Variants in UBAP1L observed in about 807,000 individuals in gnomAD.
The protein encoded by UBAP1L is ubiquitin-associated protein 1-like.
Under a neutral mutation model 32.1 loss-of-function variants are expected in UBAP1L, and 32 were observed. That is an observed-to-expected ratio of 1.00 (90% CI 0.75 to 1.34). UBAP1L has a LOEUF of 1.34. Ranked by LOEUF, UBAP1L falls within the 40% of genes most tolerant of loss-of-function variation. The pLI is 0.00. For missense variants in UBAP1L, 516 were observed against 540.5 expected (o/e 0.95, Z 0.45); for synonymous variants, 243 against 250.2 (o/e 0.97, Z 0.27).
chr15:65,092,840 T>A lies in UBAP1L; in HGVS notation c.*257A>T. On this transcript the variant is annotated 3_prime_UTR_variant, in exon 6 of 6. Coordinates refer to ENST00000559089, the MANE Select transcript of UBAP1L (RefSeq NM_001163692.2). ...AATGCACACAGTGTAAAGAGTCAAA[T>A]CAGGTGGTTTCACAGGCATGCATGA... 1.9e-6 allele frequency: 1 copy of A among 515,548 alleles called. No individual in the cohort carries two copies. Among genetic ancestry groups the A allele is most frequent in the Non-Finnish European group, 3.4e-6 (1 of 295,256 alleles). 31.9% of individuals were successfully genotyped at this position (515,548 alleles called of 1,614,324 possible).
chr15:65,112,473 GCC>G (rs1241822322), intron 1 of UBAP1L, among the ~76,000 whole-genome samples: 1 of 152,148 alleles, frequency 6.6e-6, no homozygotes, highest in African/African-American at 2.4e-5. Context: ...TCAAACACTA[GCC>G]CATGAGGTGG....
intron 4 of UBAP1L, chr15:65,095,789 T>C (rs1432196474): frequency 6.6e-6 from 1 of 152,222 alleles, no homozygotes; most frequent in African/African-American, 2.4e-5. Context: ...GAAGTGTTTG[T>C]CTTAGCACAA....
In UBAP1L at chr15:65,104,230, G is replaced by A. The variant is rs567262182; in HGVS notation, c.121-1546C>T. 1.5e-4 allele frequency among the ~76,000 whole-genome samples: 23 copies of A among 151,792 alleles called. No individual in the cohort carries two copies. The South Asian group carries it at 4.0e-3, about 26-fold the overall frequency. On this transcript the variant is annotated intron_variant, in intron 2 of 5. Coordinates refer to ENST00000559089, the MANE Select transcript of UBAP1L (RefSeq NM_001163692.2). Reference sequence around the variant, plus strand: ...TTGCACCACTGCACACTCCAGCCTGGGCGACAAAGCGAGACTCTGTCGAAA... The same window carrying A: ...TTGCACCACTGCACACTCCAGCCTGAGCGACAAAGCGAGACTCTGTCGAAA...
chr15:65,106,637 C>CTT (rs35095335), intron 1 of UBAP1L, among the ~76,000 whole-genome samples: 8 of 119,714 alleles, frequency 6.7e-5, no homozygotes, highest in African/African-American at 8.7e-5. Flanking sequence ...TTAGCATAAC[C>CTT]TTTTTTTTTT....
rs1290712956 is a variant in UBAP1L, at chr15:65,094,775, C to A, written c.910-199G>T. On this transcript the variant is annotated intron_variant, in intron 4 of 5. Coordinates refer to ENST00000559089, the MANE Select transcript of UBAP1L (RefSeq NM_001163692.2). This position sits in a 1 kb window ranked among gnomAD's most constrained non-coding sequence, Gnocchi z 4.2. ...CTCTGAGTGCCTGGCGATAGGCAGA[C>A]AATGGGTCTTCACCAACTATGCCAA... 4 of 602,080 alleles carry A rather than the reference C, an allele frequency of 6.6e-6. No individual in the cohort carries two copies. The East Asian group carries it at 1.1e-4, about 17-fold the overall frequency. The allele number at this position is 602,080 out of a possible 1,614,324, so 37.3% of individuals were successfully genotyped here.
chr15:65,105,009 TGAAAAA>T, intron 2 of UBAP1L: 6 of 83,936 alleles, frequency 7.1e-5, no homozygotes, highest in Admixed American at 1.5e-4. Flanking sequence ...CTGTCTCAAA[TGAAAAA>T]AAAAAAAAAA....
chr15:65,102,730 G>A lies in UBAP1L; in HGVS notation c.121-46C>T. 7 of 1,514,724 alleles carry A rather than the reference G, an allele frequency of 4.6e-6. No homozygotes were observed. Among genetic ancestry groups the A allele is most frequent in the Non-Finnish European group, 5.3e-6 (6 of 1,128,198 alleles). The allele number at this position is 1,514,724 out of a possible 1,614,324, so 93.8% of individuals were successfully genotyped here. A position where few individuals can be genotyped will look rare whatever the true frequency, so the allele number is the denominator to read the frequency against. ...AAAGCCCAGGGCAAACCAGGACCCC[G>A]GGGGCACAACACTAACCCCTGGCCT... On this transcript the variant is annotated intron_variant, in intron 2 of 5. Coordinates refer to ENST00000559089, the MANE Select transcript of UBAP1L (RefSeq NM_001163692.2). The surrounding 1 kb of genome is among the most constrained non-coding windows in gnomAD (Gnocchi z 5.0).
In UBAP1L at chr15:65,102,158, G is replaced by A. The variant is rs2087247289; in HGVS notation, c.647C>T (p.Pro216Leu). The change falls in exon 3 of 6, where the codon CCC becomes CTC. Residue 216 changes from proline (P) to leucine (L), a missense_variant. Coordinates refer to ENST00000559089, the MANE Select transcript of UBAP1L (RefSeq NM_001163692.2). The surrounding 1 kb of genome is among the most constrained non-coding windows in gnomAD (Gnocchi z 5.0). ...HPAAPASPPRPSTAGAIPPLR... is the reference protein window; with the variant it reads ...HPAAPASPPRLSTAGAIPPLR... Reference sequence around the variant, plus strand: ...CGGGGGGATGGCGCCTGCCGTGGAGGGCCGCGGGGGCGACGCGGGGGCGGC... The same window carrying A: ...CGGGGGGATGGCGCCTGCCGTGGAGAGCCGCGGGGGCGACGCGGGGGCGGC... 4 of 1,204,834 alleles carry A rather than the reference G, an allele frequency of 3.3e-6. No homozygotes were observed. Among genetic ancestry groups the A allele is most frequent in the Non-Finnish European group, 4.1e-6 (4 of 969,376 alleles). 74.6% of individuals were successfully genotyped at this position (1,204,834 alleles called of 1,614,324 possible). A position where few individuals can be genotyped will look rare whatever the true frequency, so the allele number is the denominator to read the frequency against.
In UBAP1L at chr15:65,094,892, A is replaced by G. The variant is rs2087157338; in HGVS notation, c.910-316T>C. 2.5e-6 allele frequency: 1 copy of G among 400,026 alleles called. No homozygotes were observed. Among genetic ancestry groups the G allele is most frequent in the Admixed American group, 3.7e-5 (1 of 26,832 alleles). 24.8% of individuals were successfully genotyped at this position (400,026 alleles called of 1,614,324 possible). A position where few individuals can be genotyped will look rare whatever the true frequency, so the allele number is the denominator to read the frequency against. On this transcript the variant is annotated intron_variant, in intron 4 of 5. Transcript: ENST00000559089. The surrounding 1 kb of genome is among the most constrained non-coding windows in gnomAD (Gnocchi z 4.2). Reference sequence around the variant, plus strand: ...GGAGCAGGACAGGCTTCAAACACAGACATCCCACCTACCACCCAACGCAAT... The same window carrying G: ...GGAGCAGGACAGGCTTCAAACACAGGCATCCCACCTACCACCCAACGCAAT...
rs1354550034 is a variant in UBAP1L, at chr15:65,102,200, G to A, written c.605C>T (p.Pro202Leu). 1 of 1,200,938 alleles carries A rather than the reference G, an allele frequency of 8.3e-7. No individual in the cohort carries two copies. The highest frequency in any genetic ancestry group is 1.0e-6 in the Non-Finnish European group (1 of 968,302). The allele number at this position is 1,200,938 out of a possible 1,614,324, so 74.4% of individuals were successfully genotyped here. Residue 202 changes from proline (P) to leucine (L), a missense_variant, in exon 3 of 6, where the codon CCC becomes CTC. Transcript: ENST00000559089. This position sits in a 1 kb window ranked among gnomAD's most constrained non-coding sequence, Gnocchi z 5.0. ...GGGGGCGGCGGGGTGCTGGGGCGCG[G>A]GCCCCGGGGGTGATGCAGACCTGGG... ...QSPRSASPPG[P>L]APQHPAAPAS...
chr15:65,099,622 C>T lies in UBAP1L; in HGVS notation c.792G>A (p.Leu264=), dbSNP rs1320061615. ...GCTCCTCCTGGCTCAGGGCGGACAG[C>T]AGGTCAGCCGCAGTATCAGGGTGTG... ...HKSHPDTAAD[L]LSALSQEEQD... Residue 264 remains leucine (L), a synonymous_variant, in exon 4 of 6, where the codon CTG becomes CTA. Transcript: ENST00000559089. 6.4e-7 allele frequency: 1 copy of T among 1,551,622 alleles called. No homozygotes were observed. The highest frequency in any genetic ancestry group is 8.7e-7 in the Non-Finnish European group (1 of 1,146,986).
At chr15:65,106,060 C>A in intron 2 of UBAP1L, 36 bp downstream of exon 2, 3 of 1,549,928 alleles carry the variant, frequency 1.9e-6, no homozygotes, top group Non-Finnish European at 2.6e-6. Flanking sequence ...CCCAGACCCA[C>A]AGACCCAGAA....
At chr15:65,093,871 C>T (rs1453597147) in intron 5 of UBAP1L, among the ~76,000 whole-genome samples, 1 of 151,996 alleles carries the variant, frequency 6.6e-6, no homozygotes, top group Non-Finnish European at 1.5e-5. Context: ...TGGTGAAACT[C>T]CGTCTCTACT....
chr15:65,099,679 C>G lies in UBAP1L; in HGVS notation c.735G>C (p.Gly245=), dbSNP rs551911478. The change falls in exon 4 of 6, where the codon GGG becomes GGC. Residue 245 remains glycine, a synonymous_variant. Transcript: ENST00000559089. ...GGGGGTTGAGAGGTTGGGGTGCCCC[C>G]CCAAGAGGTGGCAGACAGGTGTACG... ...LSPYTCLPPL[G]GAPQPLNPHK... 212 of 1,551,106 alleles carry G rather than the reference C, an allele frequency of 1.4e-4. No individual in the cohort carries two copies. The African/African-American group carries it at 2.6e-3, about 19-fold the overall frequency.
At chr15:65,105,010 G>T (rs2919338) in intron 2 of UBAP1L, 12 of 173,322 alleles carry the variant, frequency 6.9e-5, no homozygotes, top group African/African-American at 1.6e-4. Context: ...TGTCTCAAAT[G>T]AAAAAAAAAA....
Position 65,102,228 on chromosome 15 carries a change from A to G in UBAP1L, c.577T>C (p.Ser193Pro). The change falls in exon 3 of 6, where the codon TCC becomes CCC. Residue 193 changes from serine to proline, a missense_variant. Transcript: ENST00000559089. This position sits in a 1 kb window ranked among gnomAD's most constrained non-coding sequence, Gnocchi z 5.0. ...CCCGGGGGTGATGCAGACCTGGGGG[A>G]CTGCGCAGGGCTCGGGCACAGGCTC... ...ALSLCPSPAQ[S>P]PRSASPPGPA... 8.1e-7 allele frequency: 1 copy of G among 1,239,124 alleles called. No individual in the cohort carries two copies. Among genetic ancestry groups the G allele is most frequent in the South Asian group, 2.8e-5 (1 of 35,538 alleles). The allele number at this position is 1,239,124 out of a possible 1,614,324, so 76.8% of individuals were successfully genotyped here. A position where few individuals can be genotyped will look rare whatever the true frequency, so the allele number is the denominator to read the frequency against.
Position 65,093,114 on chromosome 15 carries a change from C to G in UBAP1L, c.1129G>C (p.Val377Leu), listed in dbSNP as rs1017925951. Residue 377 changes from valine (V) to leucine (L), a missense_variant, in exon 6 of 6, where the codon GTG (valine) becomes CTG (leucine). Physicochemically the swap from Val to Leu is conservative, Grantham distance 32. Transcript: ENST00000559089. Reference sequence around the variant, plus strand: ...CTCCGTGGTCACTGGGCACAGGCCACCAGCTCCTCCAGGGCTTGCTCTCGG... The same window carrying G: ...CTCCGTGGTCACTGGGCACAGGCCAGCAGCTCCTCCAGGGCTTGCTCTCGG... ...NRREQALEELVACAQ is the reference protein window; with the variant it reads ...NRREQALEELLACAQ 6.5e-7 allele frequency: 1 copy of G among 1,549,018 alleles called. No individual in the cohort carries two copies. Among genetic ancestry groups the G allele is most frequent in the African/African-American group, 1.4e-5 (1 of 72,918 alleles).
In UBAP1L at chr15:65,102,294, G is replaced by C. The variant is rs537219273; in HGVS notation, c.511C>G (p.Pro171Ala). The C allele has an allele frequency of 1.4e-6, 2 of 1,408,662 alleles. No individual in the cohort carries two copies. Among genetic ancestry groups the C allele is most frequent in the Admixed American group, 3.2e-5 (1 of 31,344 alleles). 87.3% of individuals were successfully genotyped at this position (1,408,662 alleles called of 1,614,324 possible). A position where few individuals can be genotyped will look rare whatever the true frequency, so the allele number is the denominator to read the frequency against. Residue 171 changes from proline to alanine, a missense_variant, in exon 3 of 6, where the codon CCC (proline) becomes GCC (alanine). Physicochemically the swap from Pro to Ala is conservative, Grantham distance 27 (BLOSUM62 -1). Transcript: ENST00000559089. The surrounding 1 kb of genome is among the most constrained non-coding windows in gnomAD (Gnocchi z 5.0). ...CGGAGGCCATGCAGGAGGGCGCGGG[G>C]CCGGGAGACCAGCTTCCCCTCGGAG... is the stretch of plus-strand genomic sequence containing the variant. ...RLSEGKLVSRPRALLHGLRGH... is the reference protein window; with the variant it reads ...RLSEGKLVSRARALLHGLRGH...
chr15:65,093,246 A>G lies in UBAP1L; in HGVS notation c.1012-15T>C, dbSNP rs978377440. 2 of 1,536,940 alleles carry G rather than the reference A, an allele frequency of 1.3e-6. No homozygotes were observed. Among genetic ancestry groups the G allele is most frequent in the Non-Finnish European group, 1.8e-6 (2 of 1,141,772 alleles). On this transcript the variant is annotated splice_polypyrimidine_tract_variant and intron_variant, in intron 5 of 5. Transcript: ENST00000559089. Reference sequence around the variant, plus strand: ...AACTCCCCTGCCTGAGGAAGAGGAGACAGGGAGGGTGCTGGGGGCTCTGCT... The same window carrying G: ...AACTCCCCTGCCTGAGGAAGAGGAGGCAGGGAGGGTGCTGGGGGCTCTGCT...
Sources: allele counts gnomAD v4.1 joint callset (sites outside exome capture counted in the v4.1 genomes callset), GRCh38; gene constraint gnomAD v4.1.1; non-coding constraint Gnocchi (gnomAD v3.1); transcripts MANE v1.5; gene names NCBI Gene and HGNC (gene_info 2026-07-23, HGNC 2026-07-21).